ZNF397: variants seen among roughly 807,000 people sequenced by gnomAD.
ZNF397 encodes the protein zinc finger protein 397, also known as zinc finger and SCAN domain-containing protein 15.
Under a neutral mutation model 50.6 loss-of-function variants are expected in ZNF397, and 38 were observed. That is an observed-to-expected ratio of 0.75 (90% CI 0.58 to 0.98). ZNF397 has a LOEUF of 0.98. ZNF397 is among the 50% of genes least tolerant of loss of function. ZNF397 has a pLI of 0.00. For missense variants in ZNF397, 624 were observed against 624.1 expected (o/e 1.00, Z 0.00); for synonymous variants, 228 against 215.2 (o/e 1.06, Z -0.52).
At chr18:35,254,539 G>T (rs1001658543), downstream of ZNF397, 3 of 1,421,154 alleles carry the variant, frequency 2.1e-6, no homozygotes, top group African/African-American at 4.3e-5. Context: ...AGTGGCCTGG[G>T]GTAGCCAAAT....
downstream of ZNF397, chr18:35,253,154 ATC>A (rs2043655605): frequency 1.7e-5 from 4 of 240,680 alleles, no homozygotes; most frequent in Middle Eastern, 2.5e-3. Flanking sequence ...TGGAAATTAT[ATC>A]TGAGTTGGCA....
In ZNF397 at chr18:35,246,460, T is replaced by C. The variant is rs2043484084; in HGVS notation, c.*150T>C. 7.0e-7 allele frequency: 1 copy of C among 1,428,890 alleles called. No individual in the cohort carries two copies. Among genetic ancestry groups the C allele is most frequent in the Non-Finnish European group, 9.1e-7 (1 of 1,094,338 alleles). The allele number at this position is 1,428,890 out of a possible 1,614,324, so 88.5% of individuals were successfully genotyped here. A position where few individuals can be genotyped will look rare whatever the true frequency, so the allele number is the denominator to read the frequency against. Reference sequence around the variant, plus strand: ...TTTGTGCAGCATTTCCCAGTGCTAATGTAAAGTGTCCCTTGAAAGCTTTTC... The same window carrying C: ...TTTGTGCAGCATTTCCCAGTGCTAACGTAAAGTGTCCCTTGAAAGCTTTTC... On this transcript the variant is annotated 3_prime_UTR_variant, in exon 4 of 4. Transcript: ENST00000330501.
chr18:35,247,666 ATTTTTTTTT>A lies in ZNF397; in HGVS notation c.*1373_*1381del, dbSNP rs753489329. 5.6e-5 allele frequency: 4 copies of A among 71,946 alleles called. No homozygotes were observed. The highest frequency in any genetic ancestry group is 9.6e-5 in the Non-Finnish European group (4 of 41,590). 4.5% of individuals were successfully genotyped at this position (71,946 alleles called of 1,614,324 possible). On this transcript the variant is annotated 3_prime_UTR_variant, in exon 4 of 4. Transcript: ENST00000330501. Reference sequence around the variant, plus strand: ...CCAGTATTTCACAATATCTTTTGCAATTTTTTTTTTTTTTTTTTTTTTTTTGAGATGGAG... The same window carrying A: ...CCAGTATTTCACAATATCTTTTGCAATTTTTTTTTTTTTTTTGAGATGGAG...
At chr18:35,257,005 G>A (rs890383880) in intron 5 of ZNF397, 1 of 153,334 alleles carries the variant, frequency 6.5e-6, no homozygotes, top group African/African-American at 2.4e-5. Context: ...TGAACTCCTG[G>A]TCTCAAGCAA....
chr18:35,242,597 C>A lies in ZNF397; in HGVS notation c.127C>A (p.Gln43Lys), dbSNP rs771354879. Residue 43 changes from glutamine (Q) to lysine (K), a missense_variant, in exon 2 of 4, where the codon CAA (glutamine) becomes AAA (lysine). By Grantham distance (53) the Gln-to-Lys change is moderately conservative (BLOSUM62 1). Transcript: ENST00000330501. The part of the protein sequence containing the change: ...DEKFKQNGST[Q>K]SCQELFRQQF... ...GAAATTTAAGCAGAATGGGAGTACT[C>A]AATCCTGCCAAGAATTGTTTCGTCA... is the stretch of plus-strand genomic sequence containing the variant. The A allele has an allele frequency of 6.2e-7, 1 of 1,614,212 alleles. No homozygotes were observed.
chr18:35,254,080 A>G (rs1278153736), downstream of ZNF397: 1 of 1,614,124 alleles, frequency 6.2e-7, no homozygotes, highest in South Asian at 1.1e-5. Flanking sequence ...TATCATTTGA[A>G]TTCATACTGA....
downstream of ZNF397, chr18:35,254,627 T>C (rs115741366): frequency 1.1e-3 from 709 of 616,688 alleles, 4 homozygotes; most frequent in African/African-American, 0.012. Flanking sequence ...AGGAAAGACA[T>C]TAGTTAGAGG....
rs933866263 is a variant in ZNF397 at position 35,247,940 on chromosome 18, G to A, written c.*1630G>A. The A allele has an allele frequency of 6.6e-6, 1 of 152,172 alleles. No homozygotes were observed. The highest frequency in any genetic ancestry group is 2.4e-5 in the African/African-American group (1 of 41,432). 9.4% of individuals were successfully genotyped at this position (152,172 alleles called of 1,614,324 possible). A position where few individuals can be genotyped will look rare whatever the true frequency, so the allele number is the denominator to read the frequency against. On this transcript the variant is annotated 3_prime_UTR_variant, in exon 4 of 4. Coordinates refer to ENST00000330501, the MANE Select transcript of ZNF397 (RefSeq NM_001135178.3). ...CCGCCTCGGCCCCCCAAAGTGCTGGGATTACAGGCGTGAGCCATGGCGCCC... is the reference window on the plus strand; with the variant it reads ...CCGCCTCGGCCCCCCAAAGTGCTGGAATTACAGGCGTGAGCCATGGCGCCC...
chr18:35,245,882 G>A lies in ZNF397; in HGVS notation c.1177G>A (p.Gly393Ser). The A allele has an allele frequency of 6.4e-7, 1 of 1,559,428 alleles. No homozygotes were observed. Among genetic ancestry groups the A allele is most frequent in the East Asian group, 2.4e-5 (1 of 41,400 alleles). Residue 393 changes from glycine (G) to serine (S), a missense_variant, in exon 4 of 4, where the codon GGT (glycine) becomes AGT (serine). Transcript: ENST00000330501. ...CATTATACATCAAAGAATTCACACT[G>A]GTGAGAAACCTTATGAGTGTAATGA... is the stretch of plus-strand genomic sequence containing the variant. ...YLIIHQRIHTGEKPYECNECG... is the reference protein window; with the variant it reads ...YLIIHQRIHTSEKPYECNECG...
At chr18:35,254,341 T>C (rs149834015), downstream of ZNF397, 5,185 of 1,613,862 alleles carry the variant, frequency 3.2e-3, 10 homozygotes, top group Non-Finnish European at 3.8e-3. Context: ...CAACAATTTC[T>C]TGCTTTGCCA....
At position 35,242,585 on chromosome 18, in the gene ZNF397, A is replaced by G; in HGVS notation, c.115A>G (p.Asn39Asp). The change falls in exon 2 of 4, where the codon AAT becomes GAT. Residue 39 changes from asparagine (N) to aspartate (D), a missense_variant. By Grantham distance (23) the Asn-to-Asp change is conservative. Coordinates refer to ENST00000330501, the MANE Select transcript of ZNF397 (RefSeq NM_001135178.3). ...TTCCTGGGATGAGAAATTTAAGCAG[A>G]ATGGGAGTACTCAATCCTGCCAAGA... ...NFSWDEKFKQ[N>D]GSTQSCQELF... is the part of the protein sequence containing the mutation. 6.2e-7 allele frequency: 1 copy of G among 1,614,244 alleles called. No homozygotes were observed.
chr18:35,246,017 T>C lies in ZNF397; in HGVS notation c.1312T>C (p.Ser438Pro). Residue 438 changes from serine to proline, a missense_variant, in exon 4 of 4, where the codon TCA (serine) becomes CCA (proline). Physicochemically the swap from Ser to Pro is moderately conservative, Grantham distance 74 (BLOSUM62 -1). Transcript: ENST00000330501. ...NECGKAFRQS[S>P]ELITHQRIHS... ...ATGTGGAAAAGCTTTCAGGCAGAGCTCAGAGCTGATTACTCATCAGAGAAT... is the reference window on the plus strand; with the variant it reads ...ATGTGGAAAAGCTTTCAGGCAGAGCCCAGAGCTGATTACTCATCAGAGAAT... 1 of 1,571,642 alleles carries C rather than the reference T, an allele frequency of 6.4e-7. No homozygotes were observed.
chr18:35,254,268 G>T (rs72959629), downstream of ZNF397: 76 of 1,613,966 alleles, frequency 4.7e-5, no homozygotes, highest in Non-Finnish European at 1.8e-5. Flanking sequence ...TCAGCTATCC[G>T]TTGGGAATGT....
chr18:35,251,842 T>C (rs189487939), downstream of ZNF397: 36 of 152,162 alleles, frequency 2.4e-4, 1 homozygote, highest in African/African-American at 8.7e-4. Context: ...AGTATCTTCA[T>C]AGCACTGTGA....
At chr18:35,256,497 G>T (rs1178407496) in intron 5 of ZNF397, among the ~76,000 whole-genome samples, 6 of 151,924 alleles carry the variant, frequency 3.9e-5, no homozygotes, top group African/African-American at 1.2e-4. Context: ...GGACGTGGAG[G>T]TTGCAGTGAA....
chr18:35,245,806 AGCTTGTAAATGTAATGAGTGTG>A lies in ZNF397; in HGVS notation c.1104_1125del (p.Cys369LysfsTer65). 1.9e-6 allele frequency: 3 copies of A among 1,552,278 alleles called. No individual in the cohort carries two copies. Among genetic ancestry groups the A allele is most frequent in the Non-Finnish European group, 2.6e-6 (3 of 1,147,216 alleles). ...ATCGGAAAATCCATACTGGTGAGAA[AGCTTGTAAATGTAATGAGTGTG>A]GCAAAGCATTCAGTCAAAGTTCATA... On this transcript the variant is annotated frameshift_variant, in exon 4 of 4. Transcript: ENST00000330501. LOFTEE classifies it high-confidence loss of function.
rs1233863866 is a variant in ZNF397, at chr18:35,246,498, A to G, written c.*188A>G. The G allele has an allele frequency of 2.9e-6, 4 of 1,386,036 alleles. No homozygotes were observed. Among genetic ancestry groups the G allele is most frequent in the Non-Finnish European group, 3.7e-6 (4 of 1,074,544 alleles). The allele number at this position is 1,386,036 out of a possible 1,614,324, so 85.9% of individuals were successfully genotyped here. A position where few individuals can be genotyped will look rare whatever the true frequency, so the allele number is the denominator to read the frequency against. On this transcript the variant is annotated 3_prime_UTR_variant, in exon 4 of 4. Transcript: ENST00000330501. ...TTGAAAGCTTTTCCTGTGACTAATC[A>G]GAACAGAATACAGAAGAATCATTAC...
chr18:35,245,143 A>G, intron 3 of ZNF397, 119 bp from the exon 4 acceptor site: 1 of 1,344,856 alleles, frequency 7.4e-7, no homozygotes, highest in Non-Finnish European at 9.8e-7. Flanking sequence ...GTTGAAAAAA[A>G]AGATACTGGA....
chr18:35,243,083 T>C, intron 2 of ZNF397, 69 bp from the exon 3 acceptor site: 2 of 1,605,506 alleles, frequency 1.2e-6, no homozygotes, highest in South Asian at 1.1e-5. Context: ...TTGACCTCTT[T>C]GAGATTTTTA....
Sources: gnomAD v4.1 joint callset for allele counts (sites outside exome capture counted in the v4.1 genomes callset) on GRCh38, gnomAD v4.1.1 for gene constraint, MANE v1.5 for transcripts, NCBI Gene and HGNC (gene_info 2026-07-23, HGNC 2026-07-21) for gene names.